ZCWPW2: variants seen among roughly 807,000 people sequenced by gnomAD.
ZCWPW2 encodes zinc finger CW-type and PWWP domain containing 2.
Under a neutral mutation model 46.6 loss-of-function variants are expected in ZCWPW2, and 45 were observed. The ratio of observed to expected loss-of-function variants is 0.96; its 90% CI spans 0.76 to 1.24. The LOEUF is 1.24. Ranked by LOEUF, ZCWPW2 falls within the 50% of genes most tolerant of loss-of-function variation. ZCWPW2 has a pLI of 0.00. For synonymous variants in ZCWPW2, 152 were observed against 137.1 expected (o/e 1.11, Z -0.76); for missense variants, 429 against 403.9 (o/e 1.06, Z -0.53).
chr3:28,427,468 C>T (rs1419687561), intron 3 of ZCWPW2, among the ~76,000 whole-genome samples: 1 of 152,170 alleles, frequency 6.6e-6, no homozygotes, highest in Admixed American at 6.5e-5. Context: ...CAGAGAATTT[C>T]CCTCTGCCTC....
chr3:28,351,063 G>T lies in ZCWPW2; in HGVS notation c.-134+1860G>T, dbSNP rs143020078. On this transcript the variant is annotated intron_variant, in intron 1 of 9. Coordinates refer to ENST00000383768, the MANE Select transcript of ZCWPW2 (RefSeq NM_001040432.4). ...TGTGTCCAAGGCCAAGTTTGGGACA[G>T]TTTCTTTTCTTTTAAACCATTACAT... is the stretch of plus-strand genomic sequence containing the variant. 7.3e-4 allele frequency among the ~76,000 whole-genome samples: 111 copies of T among 151,472 alleles called. 4 individuals carry two copies. Among genetic ancestry groups the T allele is most frequent in the African/African-American group, 2.5e-3 (102 of 41,046 alleles).
chr3:28,397,304 A>G (rs1479049406), intron 2 of ZCWPW2, among the ~76,000 whole-genome samples: 2 of 152,206 alleles, frequency 1.3e-5, no homozygotes, highest in African/African-American at 2.4e-5. Flanking sequence ...CGCAAAAACT[A>G]TGTAATATTT....
At chr3:28,352,124 A>G (rs1222566233) in intron 1 of ZCWPW2, among the ~76,000 whole-genome samples, 2 of 120,776 alleles carry the variant, frequency 1.7e-5, no homozygotes, top group East Asian at 4.7e-4. Flanking sequence ...TCTCAGATGT[A>G]TGCACACACA....
At chr3:28,372,105 A>G (rs933665947) in intron 1 of ZCWPW2, among the ~76,000 whole-genome samples, 17 of 149,904 alleles carry the variant, frequency 1.1e-4, no homozygotes, top group Non-Finnish European at 2.5e-4. Flanking sequence ...TATGGGCTTA[A>G]TCTTGTTCTT....
chr3:28,364,357 TTGGC>T (rs1264578108), intron 1 of ZCWPW2, among the ~76,000 whole-genome samples: 1 of 152,186 alleles, frequency 6.6e-6, no homozygotes, highest in Non-Finnish European at 1.5e-5. Context: ...TATTTCTTCA[TTGGC>T]TGGTGGGCAT....
chr3:28,525,877 T>G lies in ZCWPW2; in HGVS notation c.*1189T>G, dbSNP rs1404450389. Among the ~76,000 whole-genome samples the G allele has an allele frequency of 6.6e-6, 1 of 152,188 alleles. No individual in the cohort carries two copies. The highest frequency in any genetic ancestry group is 1.5e-5 in the Non-Finnish European group (1 of 68,024). ...TCCTTAGCATTCTGATATTGTGTCATAGGATGTTGAGTTGTAAAGCCTATC... is the reference window on the plus strand; with the variant it reads ...TCCTTAGCATTCTGATATTGTGTCAGAGGATGTTGAGTTGTAAAGCCTATC... On this transcript the variant is annotated 3_prime_UTR_variant, in exon 10 of 10. Coordinates refer to ENST00000383768, the MANE Select transcript of ZCWPW2 (RefSeq NM_001040432.4).
At chr3:28,488,422 A>C (rs1699681614) in intron 5 of ZCWPW2, among the ~76,000 whole-genome samples, 2 of 152,164 alleles carry the variant, frequency 1.3e-5, no homozygotes, top group Non-Finnish European at 2.9e-5. Flanking sequence ...ATTTCCTTAC[A>C]TGCCAGACCA....
chr3:28,358,986 A>G (rs1704840999), intron 1 of ZCWPW2, among the ~76,000 whole-genome samples: 1 of 152,160 alleles, frequency 6.6e-6, no homozygotes, highest in African/African-American at 2.4e-5. Flanking sequence ...ATCAGAGAAA[A>G]GACTGAAAAC....
At chr3:28,380,929 ATTTGG>A (rs1426617142) in intron 1 of ZCWPW2, among the ~76,000 whole-genome samples, 1 of 70,276 alleles carries the variant, frequency 1.4e-5, no homozygotes, top group Non-Finnish European at 2.7e-5. Context: ...ATATATATAT[ATTTGG>A]TATATATATA....
At chr3:28,440,485 A>G (rs1249216199) in intron 4 of ZCWPW2, among the ~76,000 whole-genome samples, 1 of 152,156 alleles carries the variant, frequency 6.6e-6, no homozygotes, top group African/African-American at 2.4e-5. Context: ...GCTGTGGGAG[A>G]AACAGTACCA....
intron 1 of ZCWPW2, among the ~76,000 whole-genome samples, chr3:28,363,564 A>G (rs1166196855): frequency 6.6e-6 from 1 of 152,120 alleles, no homozygotes; most frequent in Non-Finnish European, 1.5e-5. Flanking sequence ...TAGAGATAGT[A>G]AACGACTGGC....
At chr3:28,366,072 A>G (rs1472622915) in intron 1 of ZCWPW2, among the ~76,000 whole-genome samples, 1 of 151,894 alleles carries the variant, frequency 6.6e-6, no homozygotes, top group Non-Finnish European at 1.5e-5. Context: ...CTAGATATAC[A>G]ATCATGTCAT....
At chr3:28,441,750 C>A (rs528506294) in intron 4 of ZCWPW2, among the ~76,000 whole-genome samples, 93 of 152,240 alleles carry the variant, frequency 6.1e-4, no homozygotes, top group Middle Eastern at 3.4e-3. Context: ...CTGTGCACAA[C>A]CCATTTTATG....
Position 28,516,015 on chromosome 3 carries a change from AAGATGACTT to A in ZCWPW2, c.784+395_784+403del, listed in dbSNP as rs534566477. Among the ~76,000 whole-genome samples the A allele has an allele frequency of 1.7e-4, 26 of 152,062 alleles. No individual in the cohort carries two copies. In the South Asian group the frequency reaches 5.4e-3, roughly 32 times the overall value. On this transcript the variant is annotated intron_variant, in intron 8 of 9. Transcript: ENST00000383768. ...TAGCACCTTGGGAGGCCAAAGCAGG[AAGATGACTT>A]GAGGTCAGGAGTTCAAGACCAGCCT...
chr3:28,429,244 T>G (rs1697143860), intron 3 of ZCWPW2, among the ~76,000 whole-genome samples: 1 of 152,146 alleles, frequency 6.6e-6, no homozygotes, highest in Non-Finnish European at 1.5e-5. Context: ...TCTTGGGACC[T>G]GGAATAAAGG....
At chr3:28,399,329 C>T (rs1575090733) in intron 2 of ZCWPW2, among the ~76,000 whole-genome samples, 1 of 152,150 alleles carries the variant, frequency 6.6e-6, no homozygotes, top group African/African-American at 2.4e-5. Context: ...TACCCCCACC[C>T]AGTGGTTCTT....
intron 4 of ZCWPW2, among the ~76,000 whole-genome samples, chr3:28,437,481 T>C (rs11715268): frequency 0.016 from 2,369 of 152,280 alleles, 30 homozygotes; most frequent in Non-Finnish European, 0.023. Flanking sequence ...ATTATGAAAA[T>C]TTTAACTATT....
chr3:28,504,416 A>G (rs1230288769), intron 6 of ZCWPW2, among the ~76,000 whole-genome samples: 3 of 151,662 alleles, frequency 2.0e-5, no homozygotes, highest in East Asian at 1.9e-4. Context: ...CTGAAGGTAA[A>G]TGCTTAAAGC....
intron 4 of ZCWPW2, among the ~76,000 whole-genome samples, chr3:28,466,240 T>C (rs1447934209): frequency 6.6e-6 from 1 of 152,172 alleles, no homozygotes; most frequent in African/African-American, 2.4e-5. Flanking sequence ...GGTACCGTGC[T>C]CATTGCCTGG....
Sources: allele counts gnomAD v4.1 joint callset (sites outside exome capture counted in the v4.1 genomes callset), GRCh38; gene constraint gnomAD v4.1.1; transcripts MANE v1.5; gene names NCBI Gene and HGNC (gene_info 2026-07-23, HGNC 2026-07-21).